Variants in JARID2 observed in about 807,000 individuals in gnomAD.
The protein encoded by JARID2 is protein Jumonji.
A neutral mutation model predicts 125.6 loss-of-function variants in JARID2; 21 were observed. The ratio of observed to expected loss-of-function variants is 0.17; its 90% CI spans 0.12 to 0.24. JARID2 has a LOEUF of 0.24. Ranked by LOEUF, JARID2 falls within the 10% of genes least tolerant of loss-of-function variation. The pLI is 1.00. For missense variants in JARID2, 1,303 were observed against 1,639.6 expected, an observed-to-expected ratio of 0.79 and a Z score of 3.55; for synonymous variants, 736 against 661.6, an observed-to-expected ratio of 1.11 and a Z score of -1.73.
At chr6:15,422,142 G>A (rs941904546) in intron 3 of JARID2, among the ~76,000 whole-genome samples, 11 of 152,192 alleles carry the variant, frequency 7.2e-5, no homozygotes, top group Admixed American at 3.9e-4. Flanking sequence ...AGAGAAGCGC[G>A]TCCAGGAGAG....
At chr6:15,457,265 G>T (rs1236889058) in intron 4 of JARID2, among the ~76,000 whole-genome samples, 4 of 152,112 alleles carry the variant, frequency 2.6e-5, no homozygotes, top group Non-Finnish European at 4.4e-5. Context: ...TGCTAATGAC[G>T]CATATCCTTA....
chr6:15,385,791 G>A (rs1016180323), intron 2 of JARID2, among the ~76,000 whole-genome samples: 24 of 152,134 alleles, frequency 1.6e-4, no homozygotes, highest in Non-Finnish European at 2.9e-5. Context: ...GGGACTGAGA[G>A]TCTGCCAACT....
At chr6:15,303,789 G>A (rs1347653482) in intron 1 of JARID2, among the ~76,000 whole-genome samples, 1 of 152,186 alleles carries the variant, frequency 6.6e-6, no homozygotes, top group Non-Finnish European at 1.5e-5. Context: ...TTTGACAGTG[G>A]TATTTCAGGT....
At chr6:15,415,921 A>G (rs1193418186) in intron 3 of JARID2, among the ~76,000 whole-genome samples, 1 of 148,826 alleles carries the variant, frequency 6.7e-6, no homozygotes, top group African/African-American at 2.5e-5. Flanking sequence ...GACGCTCCTC[A>G]CTTCCCAGAC....
At chr6:15,507,764 G>GT (rs1771079701) in intron 11 of JARID2, among the ~76,000 whole-genome samples, 1 of 152,186 alleles carries the variant, frequency 6.6e-6, no homozygotes. Flanking sequence ...CAGTAGGCTC[G>GT]TAAGGGACGG....
intron 3 of JARID2, among the ~76,000 whole-genome samples, chr6:15,428,637 GGCTAAT>G (rs1766832940): frequency 6.6e-6 from 1 of 152,138 alleles, no homozygotes; most frequent in Non-Finnish European, 1.5e-5. Context: ...CAGGCATGGT[GGCTAAT>G]GCCTGTAATC....
At chr6:15,434,600 C>T (rs1191021277) in intron 3 of JARID2, among the ~76,000 whole-genome samples, 1 of 152,154 alleles carries the variant, frequency 6.6e-6, no homozygotes, top group South Asian at 2.1e-4. Flanking sequence ...GTCTCAGAAT[C>T]CCATTATGTG....
rs1761039919 is a variant in JARID2 at position 15,287,255 on chromosome 6, C to T, written c.45+40671C>T. Among the ~76,000 whole-genome samples the T allele has an allele frequency of 2.0e-5, 3 of 152,270 alleles. No individual in the cohort carries two copies. The South Asian group carries it at 6.2e-4, about 32-fold the overall frequency. ...TGCAATCGGGTGAAATGTGTGACCCCTTCTTAAAATATTTCCAAATACTTT... is the reference window on the plus strand; with the variant it reads ...TGCAATCGGGTGAAATGTGTGACCCTTTCTTAAAATATTTCCAAATACTTT... On this transcript the variant is annotated intron_variant, in intron 1 of 17. Transcript: ENST00000341776.
In JARID2 at chr6:15,520,155, A is replaced by G. The variant is rs1473005845; in HGVS notation, c.3645A>G (p.Thr1215=). The G allele has an allele frequency of 4.3e-6, 7 of 1,614,006 alleles. No homozygotes were observed. The highest frequency in any genetic ancestry group is 5.9e-6 in the Non-Finnish European group (7 of 1,179,966). ...TTGAGAACTGTCTCAGTAAACCCAC[A>G]CCAAAAAGAGGTCCCCGCAAGAGAG... is the stretch of plus-strand genomic sequence containing the variant. ...GSIENCLSKP[T]PKRGPRKRAT... The change falls in exon 18 of 18, where the codon ACA becomes ACG. Residue 1215 remains threonine (T), a synonymous_variant. Transcript: ENST00000341776.
chr6:15,312,966 A>G (rs1762063389), intron 1 of JARID2, among the ~76,000 whole-genome samples: 1 of 152,156 alleles, frequency 6.6e-6, no homozygotes, highest in African/African-American at 2.4e-5. Context: ...TTCCGACGAA[A>G]ACACTGGCGT....
chr6:15,436,029 C>A (rs117969109), intron 3 of JARID2, among the ~76,000 whole-genome samples: 1 of 152,114 alleles, frequency 6.6e-6, no homozygotes, highest in Non-Finnish European at 1.5e-5. Flanking sequence ...AGCATACAGA[C>A]GGGCAGGTTG....
intron 4 of JARID2, among the ~76,000 whole-genome samples, chr6:15,458,690 C>T (rs183550432): frequency 6.6e-6 from 1 of 152,208 alleles, no homozygotes; most frequent in East Asian, 1.9e-4. Context: ...AAGTGTGTAC[C>T]CATTAAAGCA....
At chr6:15,519,985 TAAACTTGCCCCTG>T in intron 17 of JARID2, 71 bp from the exon 18 acceptor site, 1 of 1,221,222 alleles carries the variant, frequency 8.2e-7, no homozygotes, top group African/African-American at 1.6e-5. Flanking sequence ...CCCTCTGCCC[TAAACTTGCCCCTG>T]CATGGCTCTC....
intron 1 of JARID2, among the ~76,000 whole-genome samples, chr6:15,306,570 T>C (rs964949899): frequency 4.6e-5 from 7 of 151,954 alleles, no homozygotes; most frequent in Admixed American, 1.3e-4. Context: ...ACTCCTGACC[T>C]CAGGTGATCC....
intron 1 of JARID2, among the ~76,000 whole-genome samples, chr6:15,317,672 T>C (rs907411245): frequency 1.3e-5 from 2 of 152,108 alleles, no homozygotes; most frequent in Non-Finnish European, 2.9e-5. Flanking sequence ...TTCTGAAGTA[T>C]CTTTTTTGAG....
chr6:15,334,866 C>T (rs1289897261), intron 1 of JARID2, among the ~76,000 whole-genome samples: 1 of 152,136 alleles, frequency 6.6e-6, no homozygotes, highest in African/African-American at 2.4e-5. Context: ...GCATATCATA[C>T]CACCTAGACT....
rs555792814 is a variant in JARID2 at position 15,268,203 on chromosome 6, G to A, written c.45+21619G>A. Among the ~76,000 whole-genome samples, 4 of 152,294 alleles carry A rather than the reference G, an allele frequency of 2.6e-5. No homozygotes were observed. The East Asian group carries it at 7.7e-4, about 29-fold the overall frequency. On this transcript the variant is annotated intron_variant, in intron 1 of 17. Coordinates refer to ENST00000341776, the MANE Select transcript of JARID2 (RefSeq NM_004973.4). The stretch of plus-strand genomic sequence containing the variant: ...ACCAAATTGGCTTTTCGTAAGGGTA[G>A]AGCTAGATTTTCCGAAGAGCTTTAA...
intron 2 of JARID2, among the ~76,000 whole-genome samples, chr6:15,409,244 T>A (rs1765776575): frequency 6.6e-6 from 1 of 152,168 alleles, no homozygotes; most frequent in Non-Finnish European, 1.5e-5. Context: ...ATAAAATTGG[T>A]GGAAGGACTA....
rs776971778 is a variant in JARID2, at chr6:15,496,819, T to C, written c.1594T>C (p.Ser532Pro). 21 of 1,603,608 alleles carry C rather than the reference T, an allele frequency of 1.3e-5. No individual in the cohort carries two copies. In the East Asian group the frequency reaches 3.6e-4, roughly 27 times the overall value. ...CENRSTSQPE[S>P]VHKPQDSGKA... ...AAATCGTTCTACCTCGCAACCGGAG[T>C]CCGTGCACAAGCCGCAGGACTCGGG... The change falls in exon 7 of 18, where the codon TCC becomes CCC. Residue 532 changes from serine (S) to proline (P), a missense_variant. Around this residue, in one of 11 missense-constraint regions of JARID2, gnomAD observed 651 missense variants for 581.6 expected, o/e 1.12. Transcript: ENST00000341776.
Sources: gnomAD v4.1 joint callset for allele counts (sites outside exome capture counted in the v4.1 genomes callset) on GRCh38, gnomAD v4.1.1 for gene constraint, gnomAD v4.1.1 regional missense constraint, MANE v1.5 for transcripts, NCBI Gene and HGNC (gene_info 2026-07-23, HGNC 2026-07-21) for gene names.